PTPRT: variants seen among roughly 807,000 people sequenced by gnomAD.
PTPRT encodes the protein receptor-type tyrosine-protein phosphatase T.
In PTPRT, 56 loss-of-function variants were observed where a neutral mutation model predicts 176.8. The ratio of observed to expected loss-of-function variants is 0.32; its 90% CI spans 0.26 to 0.40. PTPRT has a LOEUF of 0.40. Among genes scored for constraint, PTPRT ranks in the 10% least tolerant of loss-of-function variants. The probability of loss-of-function intolerance (pLI) is 1.00; values close to 1 mark genes in which losing one functional copy is unlikely to be tolerated. For synonymous variants in PTPRT, 783 were observed against 739.0 expected, an observed-to-expected ratio of 1.06 and a Z score of -0.96; for missense variants, 1,540 against 1,908.2, an observed-to-expected ratio of 0.81 and a Z score of 3.60.
intron 3 of PTPRT, among the ~76,000 whole-genome samples, chr20:42,782,262 T>C (rs1189232043): frequency 7.9e-6 from 1 of 126,466 alleles, no homozygotes; most frequent in African/African-American, 2.8e-5. Flanking sequence ...CGTGGGCCCC[T>C]GTTAGTCATC....
At chr20:42,353,623 G>T (rs2058318129) in intron 9 of PTPRT, among the ~76,000 whole-genome samples, 1 of 152,202 alleles carries the variant, frequency 6.6e-6, no homozygotes, top group Admixed American at 6.5e-5. Flanking sequence ...TTGCCCAAGG[G>T]TGAAAATAAC....
intron 1 of PTPRT, among the ~76,000 whole-genome samples, chr20:43,035,199 C>T (rs1986325335): frequency 6.6e-6 from 1 of 152,104 alleles, no homozygotes; most frequent in South Asian, 2.1e-4. Context: ...TGGCCCAGCA[C>T]ACCAAGCCAT....
At position 42,185,954 on chromosome 20, in the gene PTPRT, A is replaced by G. The variant is rs1183358520; in HGVS notation, c.2491+13286T>C. Among the ~76,000 whole-genome samples, 5 of 152,196 alleles carry G rather than the reference A, an allele frequency of 3.3e-5. No homozygotes were observed. In the South Asian group the frequency reaches 8.3e-4, roughly 25 times the overall value. ...TCCTTTCTTCAGCTTCCCATCTAGT[A>G]GAGGGGTCAAGTCTTAAACACATTT... On this transcript the variant is annotated intron_variant, in intron 16 of 30. Transcript: ENST00000373187.
At chr20:42,457,989 G>A (rs924489045) in intron 8 of PTPRT, among the ~76,000 whole-genome samples, 1 of 152,050 alleles carries the variant, frequency 6.6e-6, no homozygotes, top group African/African-American at 2.4e-5. Flanking sequence ...CAGCTCCAAC[G>A]CCCACTCCTG....
intron 13 of PTPRT, among the ~76,000 whole-genome samples, chr20:42,281,397 C>T (rs149837189): frequency 3.3e-5 from 5 of 152,278 alleles, no homozygotes; most frequent in African/African-American, 1.2e-4. Context: ...CTTCCTCCTG[C>T]ATCTTCTCTT....
At chr20:42,746,122 ATAAAG>A (rs2076687239) in intron 6 of PTPRT, among the ~76,000 whole-genome samples, 1 of 152,256 alleles carries the variant, frequency 6.6e-6, no homozygotes, top group African/African-American at 2.4e-5. Context: ...CATGCAGCTG[ATAAAG>A]TAGTCAAAAT....
chr20:42,130,564 T>C (rs149301315), intron 18 of PTPRT, among the ~76,000 whole-genome samples: 1 of 152,206 alleles, frequency 6.6e-6, no homozygotes, highest in East Asian at 1.9e-4. Flanking sequence ...CAATGCACAC[T>C]AGAGTGGGAG....
At chr20:42,527,256 C>A (rs2072293766) in intron 7 of PTPRT, among the ~76,000 whole-genome samples, 1 of 152,074 alleles carries the variant, frequency 6.6e-6, no homozygotes, top group African/African-American at 2.4e-5. Flanking sequence ...AGCCACCGTG[C>A]CCGGCCGACT....
chr20:42,486,234 A>T (rs2071462407), intron 7 of PTPRT, among the ~76,000 whole-genome samples: 1 of 152,326 alleles, frequency 6.6e-6, no homozygotes, highest in African/African-American at 2.4e-5. Context: ...TAAGCCACCA[A>T]ATGATACTTC....
intron 7 of PTPRT, among the ~76,000 whole-genome samples, chr20:42,490,098 C>A (rs753001468): frequency 2.0e-5 from 3 of 152,152 alleles, no homozygotes; most frequent in Non-Finnish European, 4.4e-5. Flanking sequence ...TTCTATTGAT[C>A]CACTGCCTAT....
At chr20:42,686,229 C>A (rs967272547) in intron 6 of PTPRT, 3 of 152,180 alleles carry the variant, frequency 2.0e-5, no homozygotes, top group Non-Finnish European at 4.4e-5. Flanking sequence ...GTGTCAATAC[C>A]GCCTGCTCTG....
intron 13 of PTPRT, among the ~76,000 whole-genome samples, chr20:42,251,055 A>C (rs899602873): frequency 2.6e-5 from 4 of 152,238 alleles, no homozygotes; most frequent in African/African-American, 9.6e-5. Context: ...GGCTGGAGAC[A>C]TGATTTCTGA....
chr20:42,713,560 G>GACTTTT (rs1204684752), intron 6 of PTPRT, among the ~76,000 whole-genome samples: 2 of 152,012 alleles, frequency 1.3e-5, no homozygotes, highest in African/African-American at 4.8e-5. Context: ...GAAACTGTAA[G>GACTTTT]ACTTTTAACA....
chr20:42,785,335 G>A (rs560562739), intron 3 of PTPRT, among the ~76,000 whole-genome samples: 3 of 152,216 alleles, frequency 2.0e-5, no homozygotes, highest in Non-Finnish European at 4.4e-5. Context: ...TATAAAATAC[G>A]ACTTTAATAA....
At chr20:42,581,390 C>T (rs2073368080) in intron 7 of PTPRT, among the ~76,000 whole-genome samples, 1 of 152,186 alleles carries the variant, frequency 6.6e-6, no homozygotes, top group Non-Finnish European at 1.5e-5. Flanking sequence ...CTGTCTCCCA[C>T]ATGAAAATGT....
intron 9 of PTPRT, among the ~76,000 whole-genome samples, chr20:42,413,999 T>C (rs1387207011): frequency 6.6e-6 from 1 of 152,130 alleles, no homozygotes; most frequent in Non-Finnish European, 1.5e-5. Context: ...GCCCGGCTAA[T>C]TTTTGTATTT....
chr20:42,943,776 A>G, intron 1 of PTPRT, among the ~76,000 whole-genome samples: 1 of 152,154 alleles, frequency 6.6e-6, no homozygotes, highest in East Asian at 1.9e-4. Context: ...GCACTTTGGG[A>G]GGCCAAGACA....
chr20:42,846,492 A>G (rs1279149506), intron 2 of PTPRT, among the ~76,000 whole-genome samples: 1 of 152,180 alleles, frequency 6.6e-6, no homozygotes. Flanking sequence ...CACCCTTCAT[A>G]AGCAAACTAC....
intron 9 of PTPRT, among the ~76,000 whole-genome samples, chr20:42,399,550 T>G (rs950950290): frequency 2.0e-5 from 3 of 152,198 alleles, no homozygotes; most frequent in Admixed American, 2.0e-4. Context: ...GGATTCTGAT[T>G]TCAATGGGAT....
Sources: gnomAD v4.1 joint callset for allele counts (sites outside exome capture counted in the v4.1 genomes callset) on GRCh38, gnomAD v4.1.1 for gene constraint, MANE v1.5 for transcripts, NCBI Gene and HGNC (gene_info 2026-07-23, HGNC 2026-07-21) for gene names.